The following GIGYF2 variants were observed in gnomAD, a reference collection of about 807,000 sequenced individuals.
GIGYF2 encodes GRB10 interacting GYF protein 2.
In GIGYF2, 25 loss-of-function variants were observed where a neutral mutation model predicts 208.1. The observed-to-expected ratio is 0.12, with a 90% CI of 0.09 to 0.17. The LOEUF (loss-of-function observed/expected upper bound fraction) is 0.17. Ranked by LOEUF, GIGYF2 falls within the 10% of genes least tolerant of loss-of-function variation. GIGYF2 has a pLI of 1.00. For missense variants in GIGYF2, 1,302 were observed against 1,579.4 expected (o/e 0.82, Z 2.98); for synonymous variants, 534 against 543.8 (o/e 0.98, Z 0.25).
chr2:232,791,227 T>A, intron 11 of GIGYF2, 31 bp from the exon 12 acceptor site: 1 of 1,613,948 alleles, frequency 6.2e-7, no homozygotes, highest in Non-Finnish European at 8.5e-7. Context: ...AAAACTTTCG[T>A]AAGTTCAACT....
chr2:232,746,173 A>G (rs1371690071), intron 3 of GIGYF2, among the ~76,000 whole-genome samples: 1 of 151,888 alleles, frequency 6.6e-6, no homozygotes, highest in East Asian at 1.9e-4. Flanking sequence ...TTTCCACAAT[A>G]AGTAAAAAAA....
At chr2:232,840,226 C>T (rs549013733) in intron 23 of GIGYF2, among the ~76,000 whole-genome samples, 2 of 152,192 alleles carry the variant, frequency 1.3e-5, no homozygotes, top group Non-Finnish European at 2.9e-5. Flanking sequence ...GAGAAGACCT[C>T]ATAAATAAAA....
chr2:232,837,518 G>A (rs192123599), intron 22 of GIGYF2, among the ~76,000 whole-genome samples: 129 of 152,218 alleles, frequency 8.5e-4, no homozygotes, highest in Admixed American at 2.7e-3. Context: ...GCAGTGACAC[G>A]ATCTCAGCTC....
chr2:232,789,515 G>C (rs1316343886), intron 9 of GIGYF2, among the ~76,000 whole-genome samples: 1 of 152,188 alleles, frequency 6.6e-6, no homozygotes, highest in Non-Finnish European at 1.5e-5. Flanking sequence ...ATAGGAAGTA[G>C]TAAATAGTGT....
chr2:232,716,379 T>C (rs1186234488), intron 2 of GIGYF2, among the ~76,000 whole-genome samples: 1 of 68,222 alleles, frequency 1.5e-5, no homozygotes, highest in Non-Finnish European at 3.4e-5. Context: ...TATTTGTTTT[T>C]TTTTTTTTTT....
chr2:232,847,478 A>G lies in GIGYF2; in HGVS notation c.3591A>G (p.Lys1197=), dbSNP rs1574951696. 2 of 1,612,680 alleles carry G rather than the reference A, an allele frequency of 1.2e-6. No homozygotes were observed. Among genetic ancestry groups the G allele is most frequent in the Admixed American group, 1.7e-5 (1 of 59,892 alleles). ...AGCAGTTCCTTGAGCGCCGTGCCAAACAGAAAGCCAACCAGCAGCGTCAGC... is the reference window on the plus strand; with the variant it reads ...AGCAGTTCCTTGAGCGCCGTGCCAAGCAGAAAGCCAACCAGCAGCGTCAGC... ...FAKQFLERRA[K]QKANQQRQQQ... is the part of the protein sequence containing the mutation. The change falls in exon 27 of 29, where the codon AAA becomes AAG. Residue 1197 remains lysine (K), a synonymous_variant. Coordinates refer to ENST00000373563, the MANE Select transcript of GIGYF2 (RefSeq NM_001103146.3).
At chr2:232,820,958 G>T (rs1387127184) in intron 21 of GIGYF2, among the ~76,000 whole-genome samples, 1 of 151,836 alleles carries the variant, frequency 6.6e-6, no homozygotes, top group African/African-American at 2.4e-5. Context: ...AGCCTCCCAA[G>T]TACCTGGGAC....
rs2106418460 is a variant in GIGYF2 at position 232,839,841 on chromosome 2, T to C, written c.2767-8T>C. 1 of 1,614,078 alleles carries C rather than the reference T, an allele frequency of 6.2e-7. No individual in the cohort carries two copies. Among genetic ancestry groups the C allele is most frequent in the African/African-American group, 1.3e-5 (1 of 75,062 alleles). On this transcript the variant is annotated splice_polypyrimidine_tract_variant and splice_region_variant and intron_variant, in intron 22 of 28. Transcript: ENST00000373563. ...TCATGAACTTTCTGGCCTTCCCTTT[T>C]TTGTTAGCTTCCTTCTTCTTCAACG...
rs180922840 is a variant in GIGYF2, at chr2:232,782,658, A to C, written c.533-4492A>C. ...ATATTCCCTGTAACAATGAGAATGA[A>C]TCTCCTGTGCTTGCTTCGGCAGCAC... is the stretch of plus-strand genomic sequence containing the variant. On this transcript the variant is annotated intron_variant, in intron 8 of 28. Coordinates refer to ENST00000373563, the MANE Select transcript of GIGYF2 (RefSeq NM_001103146.3). The C allele has an allele frequency of 4.6e-5, 7 of 152,344 alleles. No individual in the cohort carries two copies. In the East Asian group the frequency reaches 1.4e-3, roughly 29 times the overall value. 9.4% of individuals were successfully genotyped at this position (152,344 alleles called of 1,614,324 possible).
chr2:232,810,437 GAAGTT>G (rs1404300866), intron 16 of GIGYF2: 3 of 153,194 alleles, frequency 2.0e-5, no homozygotes, highest in Non-Finnish European at 4.4e-5. Flanking sequence ...GGGTGGGAAA[GAAGTT>G]AAAGTTAATT....
chr2:232,712,161 T>C (rs1696449443), intron 2 of GIGYF2, among the ~76,000 whole-genome samples: 1 of 152,164 alleles, frequency 6.6e-6, no homozygotes, highest in African/African-American at 2.4e-5. Flanking sequence ...TGTTGAAGTC[T>C]CATTCATTTT....
intron 8 of GIGYF2, chr2:232,768,037 G>T: frequency 1.4e-6 from 1 of 704,924 alleles, no homozygotes; most frequent in Non-Finnish European, 2.4e-6. Flanking sequence ...AATGTGTATT[G>T]TTAGCTCAGC....
At position 232,794,920 on chromosome 2, in the gene GIGYF2, A is replaced by T. The variant is rs547560862; in HGVS notation, c.1455A>T (p.Glu485Asp). 6.2e-7 allele frequency: 1 copy of T among 1,613,720 alleles called. No individual in the cohort carries two copies. Among genetic ancestry groups the T allele is most frequent in the Non-Finnish European group, 8.5e-7 (1 of 1,179,614 alleles). The part of the protein sequence containing the change: ...MGSVSTEPDD[E>D]EGLKHLEQQA... ...GTGTTTCCACAGAACCTGATGATGA[A>T]GAAGGTCTCAAACATTTGGAGCAGG... is the stretch of plus-strand genomic sequence containing the variant. The change falls in exon 13 of 29, where the codon GAA (glutamate) becomes GAT (aspartate). Residue 485 changes from glutamate (E) to aspartate (D), a missense_variant. By Grantham distance (45) the Glu-to-Asp change is conservative. Transcript: ENST00000373563.
At chr2:232,738,197 A>T (rs1319642016) in intron 3 of GIGYF2, among the ~76,000 whole-genome samples, 1 of 152,102 alleles carries the variant, frequency 6.6e-6, no homozygotes, top group Non-Finnish European at 1.5e-5. Flanking sequence ...GAGTGCAAGC[A>T]TGAGCCACTG....
chr2:232,792,007 G>T (rs930857380), intron 12 of GIGYF2, among the ~76,000 whole-genome samples: 1 of 152,144 alleles, frequency 6.6e-6, no homozygotes, highest in East Asian at 1.9e-4. Flanking sequence ...AAATGTCATT[G>T]TAATGCCTGA....
Position 232,803,873 on chromosome 2 carries a change from G to C in GIGYF2, c.1640-2618G>C, listed in dbSNP as rs1443089130. Among the ~76,000 whole-genome samples, 2 of 22,920 alleles carry C rather than the reference G, an allele frequency of 8.7e-5. 1 individual carries two copies. Among genetic ancestry groups the C allele is most frequent in the East Asian group, 8.3e-3 (2 of 242 alleles). 15.0% of individuals were successfully genotyped at this position (22,920 alleles called of 152,430 possible). A position where few individuals can be genotyped will look rare whatever the true frequency, so the allele number is the denominator to read the frequency against. On this transcript the variant is annotated intron_variant, in intron 14 of 28. Coordinates refer to ENST00000373563, the MANE Select transcript of GIGYF2 (RefSeq NM_001103146.3). ...CGGCTAATTTTTTGTATTTTTAGTAGAGACGGGGTTTCACCTTGTTAGCCA... is the reference window on the plus strand; with the variant it reads ...CGGCTAATTTTTTGTATTTTTAGTACAGACGGGGTTTCACCTTGTTAGCCA...
At chr2:232,718,082 T>TG (rs1696772930) in intron 2 of GIGYF2, among the ~76,000 whole-genome samples, 1 of 152,134 alleles carries the variant, frequency 6.6e-6, no homozygotes, top group Admixed American at 6.5e-5. Flanking sequence ...CAGTAATTTT[T>TG]TTTGTTGTTG....
chr2:232,730,897 C>CAAA (rs34491260), intron 2 of GIGYF2, among the ~76,000 whole-genome samples: 50 of 51,544 alleles, frequency 9.7e-4, no homozygotes, highest in Admixed American at 1.2e-3. Context: ...GACTCCGTCT[C>CAAA]AAAAAAAAAA....
At chr2:232,830,501 T>C (rs958221433) in intron 21 of GIGYF2, among the ~76,000 whole-genome samples, 4 of 152,194 alleles carry the variant, frequency 2.6e-5, no homozygotes, top group Non-Finnish European at 4.4e-5. Context: ...GGGAATATAA[T>C]ACACAGAGCT....
Sources: gnomAD v4.1 joint callset for allele counts (sites outside exome capture counted in the v4.1 genomes callset) on GRCh38, gnomAD v4.1.1 for gene constraint, MANE v1.5 for transcripts, NCBI Gene and HGNC (gene_info 2026-07-23, HGNC 2026-07-21) for gene names.